The following OGT variants were observed in gnomAD, a reference collection of about 807,000 sequenced individuals.
OGT encodes the protein UDP-N-acetylglucosamine--peptide N-acetylglucosaminyltransferase 110 kDa subunit.
OGT carries 3 observed loss-of-function variants against 75.8 expected under a neutral mutation model. The ratio of observed to expected loss-of-function variants is 0.04; its 90% CI spans 0.02 to 0.10. The LOEUF (loss-of-function observed/expected upper bound fraction) is 0.10. Among genes scored for constraint, OGT ranks in the 10% least tolerant of loss-of-function variants. The probability of loss-of-function intolerance (pLI) is 1.00; values close to 1 mark genes in which losing one functional copy is unlikely to be tolerated. For missense variants in OGT, 260 were observed against 824.4 expected (o/e 0.32, Z 8.38); for synonymous variants, 257 against 289.7 (o/e 0.89, Z 1.15).
At chrX:71,564,509 CTT>C (rs1356225287) in intron 18 of OGT, 90 bp from the exon 19 acceptor site, 7 of 713,137 alleles carry the variant, frequency 9.8e-6, no homozygotes, top group African/African-American at 2.2e-5. Context: ...GGTTCAGTGA[CTT>C]TTAATGGTTA....
At chrX:71,568,303 T>C (rs974533080) in intron 21 of OGT, among the ~76,000 whole-genome samples, 187 bp downstream of exon 21, 4 of 112,354 alleles carry the variant, frequency 3.6e-5, no homozygotes, top group African/African-American at 1.3e-4. Flanking sequence ...AAAAAGTAAA[T>C]GGCTGAATAA....
chrX:71,561,706 A>G (rs2147688403), intron 14 of OGT, 69 bp from the exon 15 acceptor site: 1 of 936,136 alleles, frequency 1.1e-6, no homozygotes, highest in Non-Finnish European at 1.4e-6. Flanking sequence ...AATGCCATTA[A>G]AACTAAATGT....
intron 4 of OGT, chrX:71,546,732 T>C: frequency 1.3e-6 from 1 of 753,765 alleles, no homozygotes; most frequent in Non-Finnish European, 1.6e-6. Context: ...TTTTCCTTTT[T>C]TCTTCTTTGT....
At chrX:71,534,079 G>T (rs900878491) in intron 1 of OGT, among the ~76,000 whole-genome samples, 1 of 110,580 alleles carries the variant, frequency 9.0e-6, no homozygotes, top group African/African-American at 3.3e-5. Context: ...CCTTCGCGAG[G>T]TTGCCAGCCC....
At chrX:71,536,962 GTTTTTTTTT>G in intron 2 of OGT, 2 of 122,552 alleles carry the variant, frequency 1.6e-5, no homozygotes, top group Non-Finnish European at 2.8e-5. Context: ...AATGTGGTGG[GTTTTTTTTT>G]TTTTTTTTTT....
rs770095190 is a variant in OGT at position 71,563,533 on chromosome X, G to T, written c.2436+34G>T. The T allele has an allele frequency of 2.8e-6, 3 of 1,062,503 alleles. No individual in the cohort carries two copies. In the South Asian group the frequency reaches 6.8e-5, roughly 24 times the overall value. 87.6% of individuals were successfully genotyped at this position (1,062,503 alleles called of 1,213,427 possible). On this transcript the variant is annotated intron_variant, in intron 18 of 21. Coordinates refer to ENST00000373719, the MANE Select transcript of OGT (RefSeq NM_181672.3). ...ATAATAATACACCATTATATGTCCCGCCAAGTATGCATTTATTTCCCTTAA... is the reference window on the plus strand; with the variant it reads ...ATAATAATACACCATTATATGTCCCTCCAAGTATGCATTTATTTCCCTTAA...
chrX:71,551,623 C>T (rs367969726), intron 5 of OGT, among the ~76,000 whole-genome samples: 140 of 111,323 alleles, frequency 1.3e-3, no homozygotes, highest in African/African-American at 4.5e-3. Flanking sequence ...CAGAGCAAGA[C>T]TCCATCTCAA....
rs1448575962 is a variant in OGT at position 71,563,507 on chromosome X, GATA to G, written c.2436+15_2436+17del. ...GGACTGGCAACTACTCAGGTGAGAA[GATA>G]ATAATACACCATTATATGTCCCGCC... On this transcript the variant is annotated intron_variant, in intron 18 of 21. Transcript: ENST00000373719. 1 of 1,164,872 alleles carries G rather than the reference GATA, an allele frequency of 8.6e-7. No individual in the cohort carries two copies.
At chrX:71,536,135 G>GT in intron 1 of OGT, 43 bp from the exon 2 acceptor site, 1 of 1,105,120 alleles carries the variant, frequency 9.0e-7, no homozygotes, top group Middle Eastern at 2.5e-4. Context: ...CTAACTTTTT[G>GT]TTTTCCCCCC....
chrX:71,546,702 CTCT>C, intron 4 of OGT: 1 of 747,919 alleles, frequency 1.3e-6, no homozygotes, highest in Non-Finnish European at 1.6e-6. Flanking sequence ...AAGCTTCTAA[CTCT>C]TCTTGTTGTT....
chrX:71,549,962 C>A (rs751075633), intron 5 of OGT, among the ~76,000 whole-genome samples: 11 of 111,203 alleles, frequency 9.9e-5, no homozygotes, highest in African/African-American at 3.6e-4. Context: ...GAGGAGGCTC[C>A]CACTGGCTAA....
intron 3 of OGT, among the ~76,000 whole-genome samples, chrX:71,543,712 C>T (rs1223378291): frequency 1.9e-5 from 2 of 103,230 alleles, no homozygotes; most frequent in Non-Finnish European, 3.9e-5. Flanking sequence ...CCTTGAATAA[C>T]ATAGTTGGAC....
Position 71,574,640 on chromosome X carries a change from T to G in OGT, c.*846T>G, listed in dbSNP as rs1387649999. 7 of 110,550 alleles carry G rather than the reference T, an allele frequency of 6.3e-5. No homozygotes were observed. Among genetic ancestry groups the G allele is most frequent in the African/African-American group, 2.0e-4 (6 of 30,412 alleles). 9.1% of individuals were successfully genotyped at this position (110,550 alleles called of 1,213,427 possible). On this transcript the variant is annotated 3_prime_UTR_variant, in exon 22 of 22. Transcript: ENST00000373719. ...TACTGTCATTGATAATAATATAGTT[T>G]TTTTTTTTTTCCTAATTTTGACCTG...
intron 5 of OGT, among the ~76,000 whole-genome samples, chrX:71,548,965 T>G (rs1469745828): frequency 9.0e-6 from 1 of 111,128 alleles, no homozygotes; most frequent in Non-Finnish European, 1.9e-5. Context: ...TTGTATTAGG[T>G]AATTTTACCT....
chrX:71,565,503 A>C (rs2040410863), intron 19 of OGT, among the ~76,000 whole-genome samples: 1 of 111,703 alleles, frequency 9.0e-6, no homozygotes, highest in African/African-American at 3.3e-5. Flanking sequence ...TGCTAGGATG[A>C]CATGTGTGAG....
At chrX:71,559,125 ATC>A (rs1277547952) in intron 12 of OGT, 140 bp from the exon 13 acceptor site, 3 of 485,903 alleles carry the variant, frequency 6.2e-6, no homozygotes, top group East Asian at 7.4e-5. Flanking sequence ...CTGAGGTTGC[ATC>A]TCTCTGGCAA....
intron 19 of OGT, among the ~76,000 whole-genome samples, chrX:71,566,089 G>T (rs1255512678): frequency 8.9e-6 from 1 of 112,102 alleles, no homozygotes; most frequent in African/African-American, 3.2e-5. Context: ...GTAATCTGGA[G>T]ATAATTCCTT....
chrX:71,559,233 G>T, intron 12 of OGT, 34 bp from the exon 13 acceptor site: 1 of 1,182,763 alleles, frequency 8.5e-7, no homozygotes, highest in Non-Finnish European at 1.1e-6. Context: ...AATTTATGTA[G>T]ATTTTACTAA....
chrX:71,568,782 C>T (rs755805417), intron 21 of OGT, among the ~76,000 whole-genome samples: 3 of 109,154 alleles, frequency 2.7e-5, no homozygotes, highest in East Asian at 2.9e-4. Context: ...GAGCCGAGAT[C>T]GCACCATTGC....
Sources: gnomAD v4.1 joint callset for allele counts (sites outside exome capture counted in the v4.1 genomes callset) on GRCh38, gnomAD v4.1.1 for gene constraint, MANE v1.5 for transcripts, NCBI Gene and HGNC (gene_info 2026-07-23, HGNC 2026-07-21) for gene names.